The following PPP4R1 variants were observed in gnomAD, a reference collection of about 807,000 sequenced individuals.
The protein encoded by PPP4R1 is protein phosphatase 4 regulatory subunit 1, also known as serine/threonine-protein phosphatase 4 regulatory subunit 1.
PPP4R1 carries 42 observed loss-of-function variants against 111.2 expected under a neutral mutation model. The ratio of observed to expected loss-of-function variants is 0.38; its 90% CI spans 0.29 to 0.49. PPP4R1 has a LOEUF of 0.49. Ranked by LOEUF, PPP4R1 falls within the 20% of genes least tolerant of loss-of-function variation. PPP4R1 has a pLI of 0.97. For missense variants in PPP4R1, 1,012 were observed against 1,161.6 expected (o/e 0.87, Z 1.87); for synonymous variants, 409 against 405.5 (o/e 1.01, Z -0.10).
chr18:9,614,498 C>T lies in PPP4R1; in HGVS notation c.-14G>A. Reference sequence around the variant, plus strand: ...CGTACCCGCCATCTTGTGGTCGCCCCCTCCTCCGCGGCCGCCCGGGGAGCC... The same window carrying T: ...CGTACCCGCCATCTTGTGGTCGCCCTCTCCTCCGCGGCCGCCCGGGGAGCC... On this transcript the variant is annotated 5_prime_UTR_variant, in exon 1 of 20. Transcript: ENST00000400556. The surrounding 1 kb of genome is among the most constrained non-coding windows in gnomAD (Gnocchi z 4.1). 1 of 1,027,480 alleles carries T rather than the reference C, an allele frequency of 9.7e-7. No individual in the cohort carries two copies. Among genetic ancestry groups the T allele is most frequent in the Non-Finnish European group, 1.2e-6 (1 of 858,256 alleles). 63.6% of individuals were successfully genotyped at this position (1,027,480 alleles called of 1,614,324 possible).
At chr18:9,563,301 A>C in intron 12 of PPP4R1, 77 bp downstream of exon 12, 1 of 1,310,888 alleles carries the variant, frequency 7.6e-7, no homozygotes, top group South Asian at 1.6e-5. Flanking sequence ...AAAAGTGATT[A>C]GCTACAACTA....
At chr18:9,610,242 T>C (rs1262253662) in intron 2 of PPP4R1, among the ~76,000 whole-genome samples, 1 of 152,242 alleles carries the variant, frequency 6.6e-6, no homozygotes, top group Non-Finnish European at 1.5e-5. Context: ...AATAATTTTT[T>C]CTAAACATCT....
intron 12 of PPP4R1, 94 bp downstream of exon 12, chr18:9,563,284 A>G (rs373379893): frequency 8.9e-7 from 1 of 1,126,534 alleles, no homozygotes; most frequent in Admixed American, 2.9e-5. Flanking sequence ...AACAGAACAT[A>G]CAAACTAAAA....
At chr18:9,593,993 T>C in intron 3 of PPP4R1, 119 bp from the exon 4 acceptor site, 1 of 751,404 alleles carries the variant, frequency 1.3e-6, no homozygotes, top group African/African-American at 1.7e-5. Flanking sequence ...AATGGTGTGA[T>C]CACGGCTAAC....
chr18:9,583,997 T>C (rs934571771), intron 8 of PPP4R1, among the ~76,000 whole-genome samples: 16 of 152,146 alleles, frequency 1.1e-4, no homozygotes, highest in African/African-American at 3.6e-4. Flanking sequence ...TGCAAAAGCA[T>C]ACTGGATTGT....
At chr18:9,597,484 T>C (rs1158194564) in intron 2 of PPP4R1, among the ~76,000 whole-genome samples, 1 of 152,206 alleles carries the variant, frequency 6.6e-6, no homozygotes, top group African/African-American at 2.4e-5. Flanking sequence ...ACAGTTTATG[T>C]GTGTGAGGAA....
intron 4 of PPP4R1, among the ~76,000 whole-genome samples, chr18:9,592,554 C>G (rs1171828273): frequency 1.3e-5 from 2 of 152,064 alleles, no homozygotes; most frequent in African/African-American, 4.8e-5. Context: ...TAATCTAGAA[C>G]CTGGTATAGA....
rs2066452892 is a variant in PPP4R1 at position 9,549,419 on chromosome 18, T to TGA, written c.2548-83_2548-82dup. 8.6e-6 allele frequency: 13 copies of TGA among 1,511,160 alleles called. No homozygotes were observed. The East Asian group carries it at 3.0e-4, about 35-fold the overall frequency. The allele number at this position is 1,511,160 out of a possible 1,614,324, so 93.6% of individuals were successfully genotyped here. On this transcript the variant is annotated intron_variant, in intron 18 of 19. Coordinates refer to ENST00000400556, the MANE Select transcript of PPP4R1 (RefSeq NM_001042388.3). Reference sequence around the variant, plus strand: ...ACTACTGGCTAACAAAATCTCTGAGTGACCACAGGTACAAATTTTAGTTAT... The same window carrying TGA: ...ACTACTGGCTAACAAAATCTCTGAGTGAGACCACAGGTACAAATTTTAGTTAT...
At chr18:9,555,943 T>A (rs1020382647) in intron 15 of PPP4R1, among the ~76,000 whole-genome samples, 1 of 151,062 alleles carries the variant, frequency 6.6e-6, no homozygotes, top group Non-Finnish European at 1.5e-5. Context: ...AAGACCATCC[T>A]GGCCAACACG....
Position 9,557,255 on chromosome 18 carries a change from A to G in PPP4R1, c.2156T>C (p.Ile719Thr). The G allele has an allele frequency of 1.2e-6, 2 of 1,610,188 alleles. No homozygotes were observed. The highest frequency in any genetic ancestry group is 2.7e-5 in the African/African-American group (2 of 74,848). ...GFLKDLDEVR[I>T]GVLKHLHDFL... ...ATCATGCAAGTGTTTAAGAACACCT[A>G]TCCTGACTTCATCGAGGTCTTTTAA... The change falls in exon 15 of 20, where the codon ATA (isoleucine) becomes ACA (threonine). Residue 719 changes from isoleucine to threonine, a missense_variant. By Grantham distance (89) the Ile-to-Thr change is moderately conservative. Coordinates refer to ENST00000400556, the MANE Select transcript of PPP4R1 (RefSeq NM_001042388.3).
At chr18:9,587,736 G>A (rs575670887) in intron 6 of PPP4R1, among the ~76,000 whole-genome samples, 213 of 146,214 alleles carry the variant, frequency 1.5e-3, no homozygotes, top group African/African-American at 5.1e-3. Flanking sequence ...TCCTTGAGGC[G>A]GAGTCTTGCT....
At chr18:9,584,033 A>G (rs1447722033) in intron 8 of PPP4R1, among the ~76,000 whole-genome samples, 1 of 152,168 alleles carries the variant, frequency 6.6e-6, no homozygotes, top group Non-Finnish European at 1.5e-5. Context: ...TGGCTATGCA[A>G]AAGCACTCCC....
At position 9,563,498 on chromosome 18, in the gene PPP4R1, A is replaced by C; in HGVS notation, c.1626T>G (p.His542Gln). 1 of 1,608,338 alleles carries C rather than the reference A, an allele frequency of 6.2e-7. No homozygotes were observed. The highest frequency in any genetic ancestry group is 8.5e-7 in the Non-Finnish European group (1 of 1,175,360). The change falls in exon 12 of 20, where the codon CAT (histidine) becomes CAG (glutamine). Residue 542 changes from histidine to glutamine, a missense_variant. This residue lies in a region of PPP4R1 where 707 missense variants were observed against 742.1 expected (regional missense o/e 0.95). Coordinates refer to ENST00000400556, the MANE Select transcript of PPP4R1 (RefSeq NM_001042388.3). ...AALRASSLDA[H>Q]EETISIEKRS... ...TCTTTTCTATACTGATGGTCTCTTC[A>C]TGTGCATCCAGGCTGGAAGCACGTA...
intron 11 of PPP4R1, among the ~76,000 whole-genome samples, chr18:9,565,453 T>C (rs922958353): frequency 6.6e-6 from 1 of 152,162 alleles, no homozygotes; most frequent in African/African-American, 2.4e-5. Context: ...TTAAGCTTAG[T>C]GGGGAAGGCA....
chr18:9,559,386 A>G (rs1389715372), intron 14 of PPP4R1, 33 bp downstream of exon 14: 1 of 1,566,952 alleles, frequency 6.4e-7, no homozygotes, highest in Non-Finnish European at 8.7e-7. Context: ...TTCCACATGC[A>G]CGTTCTGCTA....
chr18:9,555,997 CAAA>C (rs71358236), intron 15 of PPP4R1, among the ~76,000 whole-genome samples: 112 of 136,914 alleles, frequency 8.2e-4, no homozygotes, highest in African/African-American at 3.0e-3. Context: ...AACAAACAAA[CAAA>C]AAAACACAAA....
chr18:9,553,608 T>C (rs1269292079), intron 15 of PPP4R1, among the ~76,000 whole-genome samples, 186 bp from the exon 16 acceptor site: 1 of 152,260 alleles, frequency 6.6e-6, no homozygotes, highest in Non-Finnish European at 1.5e-5. Context: ...CCATTTGCCT[T>C]CAGGAATCAC....
intron 16 of PPP4R1, chr18:9,551,426 A>T (rs1344128111): frequency 2.0e-5 from 3 of 152,428 alleles, no homozygotes; most frequent in Non-Finnish European, 4.4e-5. Context: ...TGGCAGGAGC[A>T]TGGGGTGGCT....
At chr18:9,610,806 CTTTAT>C (rs2067565752) in intron 2 of PPP4R1, among the ~76,000 whole-genome samples, 1 of 151,716 alleles carries the variant, frequency 6.6e-6, no homozygotes, top group Non-Finnish European at 1.5e-5. Context: ...ATTTACTTAC[CTTTAT>C]AAGTTACTTG....
Sources: gnomAD v4.1 joint callset for allele counts (sites outside exome capture counted in the v4.1 genomes callset) on GRCh38, gnomAD v4.1.1 for gene constraint, gnomAD v4.1.1 regional missense constraint, Gnocchi (gnomAD v3.1) non-coding constraint, MANE v1.5 for transcripts, NCBI Gene and HGNC (gene_info 2026-07-23, HGNC 2026-07-21) for gene names.